SNX29: variants seen among roughly 807,000 people sequenced by gnomAD.
The protein encoded by SNX29 is sorting nexin 29.
Under a neutral mutation model 102.1 loss-of-function variants are expected in SNX29, and 78 were observed. The observed-to-expected ratio is 0.76, with a 90% confidence interval of 0.64 to 0.92. The LOEUF (loss-of-function observed/expected upper bound fraction) is 0.92. Among genes scored for constraint, SNX29 ranks in the 40% least tolerant of loss-of-function variants. The pLI is 0.00. For missense variants in SNX29, 1,280 were observed against 1,061.7 expected (o/e 1.21, Z -2.86); for synonymous variants, 580 against 414.5 (o/e 1.40, Z -4.85).
chr16:12,265,269 G>C (rs747409951), intron 14 of SNX29, among the ~76,000 whole-genome samples: 53 of 152,224 alleles, frequency 3.5e-4, no homozygotes, highest in Admixed American at 1.2e-3. Flanking sequence ...TTTTCACTTG[G>C]GGGGGAGAAA....
At chr16:12,140,971 A>G (rs981094109) in intron 13 of SNX29, among the ~76,000 whole-genome samples, 4 of 152,228 alleles carry the variant, frequency 2.6e-5, no homozygotes, top group African/African-American at 9.6e-5. Context: ...TGAAAGAGAA[A>G]TGAAAGGAAT....
At chr16:12,135,003 G>C (rs1472196311) in intron 13 of SNX29, among the ~76,000 whole-genome samples, 1 of 152,206 alleles carries the variant, frequency 6.6e-6, no homozygotes, top group Non-Finnish European at 1.5e-5. Flanking sequence ...CTGTGGTGTA[G>C]GTTCCAGTCT....
At chr16:12,481,509 T>C (rs2087922961) in intron 19 of SNX29, among the ~76,000 whole-genome samples, 2 of 126,816 alleles carry the variant, frequency 1.6e-5, no homozygotes, top group Admixed American at 8.9e-5. Flanking sequence ...TACATATACA[T>C]ATAGACACAC....
At chr16:12,534,194 T>C (rs1407952041) in intron 20 of SNX29, among the ~76,000 whole-genome samples, 1 of 152,198 alleles carries the variant, frequency 6.6e-6, no homozygotes, top group African/African-American at 2.4e-5. Context: ...CATAAGAGTG[T>C]GGGCTCCATG....
rs1196875846 is a variant in SNX29 at position 12,048,403 on chromosome 16, C to T, written c.531C>T (p.Ile177=). 1.1e-5 allele frequency: 17 copies of T among 1,613,848 alleles called. No individual in the cohort carries two copies. Among genetic ancestry groups the T allele is most frequent in the East Asian group, 4.5e-5 (2 of 44,878 alleles). ...ACTCCATACTCTTTGCGATTAACAT[C>T]GACAACAAGGATTTGAACGGGCAGA... ...GLNSILFAIN[I]DNKDLNGQSK... is the part of the protein sequence containing the mutation. The change falls in exon 7 of 21, where the codon ATC becomes ATT. Residue 177 remains isoleucine (I), a synonymous_variant. Transcript: ENST00000566228.
At chr16:12,173,906 A>G (rs191380219) in intron 13 of SNX29, among the ~76,000 whole-genome samples, 1 of 152,242 alleles carries the variant, frequency 6.6e-6, no homozygotes, top group African/African-American at 2.4e-5. Context: ...CAGCCTCCTA[A>G]GTAACTGGGA....
At chr16:12,001,136 G>A (rs1403433985) in intron 2 of SNX29, among the ~76,000 whole-genome samples, 2 of 152,060 alleles carry the variant, frequency 1.3e-5, no homozygotes, top group Non-Finnish European at 2.9e-5. Flanking sequence ...TTTTTAGATG[G>A]AGTCTAGCTC....
In SNX29 at chr16:12,061,521, A is replaced by T; in HGVS notation, c.1125-7A>T. The stretch of plus-strand genomic sequence containing the variant: ...GCCTGTCCTGCAGCTGTATTCTTTC[A>T]CCTTAGGCCACTGGAAGGGAACACC... On this transcript the variant is annotated splice_polypyrimidine_tract_variant and splice_region_variant and intron_variant, in intron 8 of 20. Coordinates refer to ENST00000566228, the MANE Select transcript of SNX29 (RefSeq NM_032167.5). 1 of 1,586,514 alleles carries T rather than the reference A, an allele frequency of 6.3e-7. No individual in the cohort carries two copies. The highest frequency in any genetic ancestry group is 8.6e-7 in the Non-Finnish European group (1 of 1,167,866).
chr16:12,313,175 G>A (rs2080619270), intron 15 of SNX29, among the ~76,000 whole-genome samples: 1 of 151,938 alleles, frequency 6.6e-6, no homozygotes, highest in Non-Finnish European at 1.5e-5. Flanking sequence ...CACCATGCCC[G>A]GCTAATTTTT....
chr16:12,384,387 T>C (rs1311306068), intron 16 of SNX29, among the ~76,000 whole-genome samples: 1 of 152,234 alleles, frequency 6.6e-6, no homozygotes, highest in Non-Finnish European at 1.5e-5. Context: ...CATTTGTTAC[T>C]GCCTGTCTTT....
chr16:12,568,311 A>AAAAAAG (rs2079099724), intron 20 of SNX29, among the ~76,000 whole-genome samples, 195 bp from the exon 21 acceptor site: 1 of 151,470 alleles, frequency 6.6e-6, no homozygotes, highest in Non-Finnish European at 1.5e-5. Context: ...TGTTAAAAAA[A>AAAAAAG]AAAAAATGGA....
At chr16:12,143,217 G>A (rs1034456087) in intron 13 of SNX29, among the ~76,000 whole-genome samples, 4 of 151,074 alleles carry the variant, frequency 2.6e-5, no homozygotes, top group Non-Finnish European at 4.4e-5. Flanking sequence ...GGCTGGTCTC[G>A]AACTCCCGAC....
intron 14 of SNX29, among the ~76,000 whole-genome samples, chr16:12,269,380 G>A (rs552146271): frequency 6.6e-6 from 1 of 152,306 alleles, no homozygotes; most frequent in South Asian, 2.1e-4. Flanking sequence ...CTGCTTGGAG[G>A]CTCCAGTGAG....
intron 20 of SNX29, among the ~76,000 whole-genome samples, chr16:12,555,155 C>G (rs184054442): frequency 2.0e-5 from 3 of 151,738 alleles, no homozygotes; most frequent in African/African-American, 4.8e-5. Flanking sequence ...CCAGGAGTGA[C>G]AGGGTCTGGC....
intron 15 of SNX29, among the ~76,000 whole-genome samples, chr16:12,348,817 A>G (rs2081906651): frequency 6.6e-6 from 1 of 152,194 alleles, no homozygotes; most frequent in African/African-American, 2.4e-5. Flanking sequence ...TCTTAGCTAC[A>G]AAATTAGGGA....
At chr16:12,179,406 G>T (rs1413350003) in intron 13 of SNX29, among the ~76,000 whole-genome samples, 1 of 152,238 alleles carries the variant, frequency 6.6e-6, no homozygotes, top group Non-Finnish European at 1.5e-5. Context: ...GATCGCCTGA[G>T]CCCAGGAGTT....
rs1014431603 is a variant in SNX29, at chr16:12,098,619, C to G, written c.1402+19704C>G. ...CTCTTCCGTCTGCCGGGACACCCTC[C>G]CCTCTCCTCCTCTTTTGCCTGGGTC... On this transcript the variant is annotated intron_variant, in intron 11 of 20. Coordinates refer to ENST00000566228, the MANE Select transcript of SNX29 (RefSeq NM_032167.5). The surrounding 1 kb of genome is among the most constrained non-coding windows in gnomAD (Gnocchi z 6.0). Among the ~76,000 whole-genome samples, 1 of 152,222 alleles carries G rather than the reference C, an allele frequency of 6.6e-6. No individual in the cohort carries two copies.
At chr16:12,241,625 C>T (rs995747205) in intron 14 of SNX29, among the ~76,000 whole-genome samples, 6 of 152,124 alleles carry the variant, frequency 3.9e-5, no homozygotes, top group African/African-American at 1.4e-4. Flanking sequence ...CCACACCTGG[C>T]TAATTTTTGT....
intron 13 of SNX29, among the ~76,000 whole-genome samples, chr16:12,136,738 GTTA>G (rs977956032): frequency 2.6e-5 from 4 of 151,628 alleles, no homozygotes; most frequent in African/African-American, 4.9e-5. Flanking sequence ...GGTTTTTGTT[GTTA>G]TTGTTGTTGT....
Sources: gnomAD v4.1 joint callset for allele counts (sites outside exome capture counted in the v4.1 genomes callset) on GRCh38, gnomAD v4.1.1 for gene constraint, Gnocchi (gnomAD v3.1) non-coding constraint, MANE v1.5 for transcripts, NCBI Gene and HGNC (gene_info 2026-07-23, HGNC 2026-07-21) for gene names.